The following NEIL3 variants were observed in gnomAD, a reference collection of about 807,000 sequenced individuals.
NEIL3 encodes endonuclease 8-like 3.
Under a neutral mutation model 57.5 loss-of-function variants are expected in NEIL3, and 48 were observed. The ratio of observed to expected loss-of-function variants is 0.83; its 90% CI spans 0.66 to 1.06. NEIL3 has a LOEUF of 1.06. Among genes scored for constraint, NEIL3 ranks in the 50% least tolerant of loss-of-function variants. NEIL3 has a pLI of 0.00. For synonymous variants in NEIL3, 261 were observed against 253.2 expected (o/e 1.03, Z -0.29); for missense variants, 717 against 739.1 (o/e 0.97, Z 0.35).
Position 177,341,542 on chromosome 4 carries a change from T to G in NEIL3, c.769T>G (p.Cys257Gly), listed in dbSNP as rs1276476506. 6.2e-7 allele frequency: 1 copy of G among 1,613,790 alleles called. No homozygotes were observed. The highest frequency in any genetic ancestry group is 1.7e-5 in the Admixed American group (1 of 60,002). Residue 257 changes from cysteine (C) to glycine (G), a missense_variant, in exon 6 of 10, where the codon TGC becomes GGC. Cys to Gly is a radical substitution (Grantham distance 159). Coordinates refer to ENST00000264596, the MANE Select transcript of NEIL3 (RefSeq NM_018248.3). ...TTACAAGCGTCCTAATTGTGGTCAG[T>G]GCCACTGCAGAATAACTGTGTGCCG... ...KVYKRPNCGQCHCRITVCRFG... is the reference protein window; with the variant it reads ...KVYKRPNCGQGHCRITVCRFG...
chr4:177,360,827 C>A (rs1735594106), intron 9 of NEIL3, 150 bp downstream of exon 9: 1 of 562,030 alleles, frequency 1.8e-6, no homozygotes, highest in Non-Finnish European at 2.9e-6. Context: ...TGAATGTTGA[C>A]TAACTTAAAA....
rs1734698848 is a variant in NEIL3, at chr4:177,322,245, T to A, written c.157-214T>A. On this transcript the variant is annotated intron_variant, in intron 1 of 9. Transcript: ENST00000264596. ...CTACCAATTACTTTTTTTCACTTAA[T>A]TTTTTTGGCCTCTCTCTCTTTAAAT... Among the ~76,000 whole-genome samples the A allele has an allele frequency of 2.0e-5, 3 of 152,200 alleles. 1 individual carries two copies. The South Asian group carries it at 6.2e-4, about 32-fold the overall frequency.
At chr4:177,324,690 T>G (rs1056179251) in intron 2 of NEIL3, among the ~76,000 whole-genome samples, 2 of 152,234 alleles carry the variant, frequency 1.3e-5, no homozygotes, top group South Asian at 4.1e-4. Flanking sequence ...AACACAAACG[T>G]CACTTGAAGT....
In NEIL3 at chr4:177,341,459, GTTT is replaced by G. The variant is rs35370036; in HGVS notation, c.703-5_703-3del. On this transcript the variant is annotated splice_polypyrimidine_tract_variant and intron_variant, in intron 5 of 9. Coordinates refer to ENST00000264596, the MANE Select transcript of NEIL3 (RefSeq NM_018248.3). ...GTTTTGTGGATAACAGAATTTTTTGGTTTTTTTTTTTTTTAGTGCCGTAAAGCA... is the reference window on the plus strand; with the variant it reads ...GTTTTGTGGATAACAGAATTTTTTGGTTTTTTTTTTTAGTGCCGTAAAGCA... 353 of 1,438,800 alleles carry G rather than the reference GTTT, an allele frequency of 2.5e-4. No individual in the cohort carries two copies. Among genetic ancestry groups the G allele is most frequent in the South Asian group, 7.4e-4 (55 of 74,322 alleles). The allele number at this position is 1,438,800 out of a possible 1,614,324, so 89.1% of individuals were successfully genotyped here.
In NEIL3 at chr4:177,362,583, A is replaced by T; in HGVS notation, c.*112A>T. Reference sequence around the variant, plus strand: ...CTATGATACATTGAAAAGTTACTGCAATATTTGAGAACTGTTCTTTTTTTT... The same window carrying T: ...CTATGATACATTGAAAAGTTACTGCTATATTTGAGAACTGTTCTTTTTTTT... On this transcript the variant is annotated 3_prime_UTR_variant, in exon 10 of 10. Transcript: ENST00000264596. 1.3e-6 allele frequency: 1 copy of T among 775,716 alleles called. No homozygotes were observed. Among genetic ancestry groups the T allele is most frequent in the Non-Finnish European group, 2.0e-6 (1 of 511,534 alleles). The allele number at this position is 775,716 out of a possible 1,614,324, so 48.1% of individuals were successfully genotyped here.
chr4:177,329,419 A>G (rs1388918011), intron 2 of NEIL3, among the ~76,000 whole-genome samples: 4 of 152,330 alleles, frequency 2.6e-5, no homozygotes, highest in African/African-American at 9.6e-5. Flanking sequence ...TACTATGGAA[A>G]CACTTATCAA....
intron 5 of NEIL3, among the ~76,000 whole-genome samples, 189 bp downstream of exon 5, chr4:177,340,046 C>T (rs970288799): frequency 2.0e-5 from 3 of 152,184 alleles, no homozygotes; most frequent in Non-Finnish European, 2.9e-5. Context: ...AGTTCAAACT[C>T]GTCTAACTAT....
At chr4:177,321,877 T>C (rs1162409738) in intron 1 of NEIL3, among the ~76,000 whole-genome samples, 1 of 152,190 alleles carries the variant, frequency 6.6e-6, no homozygotes, top group Non-Finnish European at 1.5e-5. Flanking sequence ...AAGCTCTCAT[T>C]CCTTAGTTTC....
At chr4:177,327,104 C>G (rs1220416140) in intron 2 of NEIL3, among the ~76,000 whole-genome samples, 2 of 152,118 alleles carry the variant, frequency 1.3e-5, no homozygotes, top group Non-Finnish European at 2.9e-5. Context: ...GCTCTTCCCC[C>G]TTCTCTTTCT....
chr4:177,322,297 A>G (rs567916182), intron 1 of NEIL3, among the ~76,000 whole-genome samples, 162 bp from the exon 2 acceptor site: 1 of 152,314 alleles, frequency 6.6e-6, no homozygotes, highest in African/African-American at 2.4e-5. Flanking sequence ...GACAAAATGT[A>G]TGTAAACAGC....
intron 6 of NEIL3, among the ~76,000 whole-genome samples, chr4:177,348,099 A>G (rs12501016): frequency 0.17 from 25,541 of 152,220 alleles, 2,773 homozygotes; most frequent in Admixed American, 0.28. Context: ...AGGAAACCCT[A>G]AGAGCAGTGC....
intron 1 of NEIL3, among the ~76,000 whole-genome samples, chr4:177,317,211 GTT>G (rs1328734185): frequency 1.3e-5 from 2 of 152,106 alleles, no homozygotes; most frequent in African/African-American, 4.8e-5. Context: ...TAATTTCAGA[GTT>G]TTCATTTTTT....
At chr4:177,358,793 C>G (rs1330163680) in intron 8 of NEIL3, among the ~76,000 whole-genome samples, 1 of 152,130 alleles carries the variant, frequency 6.6e-6, no homozygotes, top group East Asian at 1.9e-4. Flanking sequence ...CCCTGGAGCT[C>G]TCTAGGTTGA....
At chr4:177,359,820 A>G (rs1164229811) in intron 8 of NEIL3, among the ~76,000 whole-genome samples, 4 of 152,232 alleles carry the variant, frequency 2.6e-5, no homozygotes, top group African/African-American at 9.6e-5. Context: ...GCCAGCTTCT[A>G]GCCTGTGTAC....
Position 177,335,719 on chromosome 4 carries a change from A to G in NEIL3, c.310A>G (p.Ile104Val). 3.1e-6 allele frequency: 5 copies of G among 1,607,444 alleles called. No individual in the cohort carries two copies. The highest frequency in any genetic ancestry group is 4.2e-6 in the Non-Finnish European group (5 of 1,177,630). ...TTTCGGAATGAAAGGCTTCATCATGATTAATCCACTTGAGTATAAATATAA... is the reference window on the plus strand; with the variant it reads ...TTTCGGAATGAAAGGCTTCATCATGGTTAATCCACTTGAGTATAAATATAA... ...IHFGMKGFIMINPLEYKYKNG... is the reference protein window; with the variant it reads ...IHFGMKGFIMVNPLEYKYKNG... The change falls in exon 3 of 10, where the codon ATT becomes GTT. Residue 104 changes from isoleucine (I) to valine (V), a missense_variant. Physicochemically the swap from Ile to Val is conservative, Grantham distance 29. Transcript: ENST00000264596.
intron 5 of NEIL3, 84 bp from the exon 6 acceptor site, chr4:177,341,392 A>G: frequency 9.2e-7 from 1 of 1,088,284 alleles, no homozygotes; most frequent in Non-Finnish European, 1.3e-6. Context: ...TGATTTTCAG[A>G]GGTGACTTTC....
chr4:177,354,657 T>C (rs1735436608), intron 8 of NEIL3, among the ~76,000 whole-genome samples: 1 of 152,156 alleles, frequency 6.6e-6, no homozygotes, highest in Non-Finnish European at 1.5e-5. Context: ...TTTTTTTGTA[T>C]TTTTAGTAGA....
chr4:177,311,365 C>T lies in NEIL3; in HGVS notation c.156+1256C>T, dbSNP rs559246950. Among the ~76,000 whole-genome samples the T allele has an allele frequency of 3.3e-5, 5 of 152,130 alleles. No individual in the cohort carries two copies. In the South Asian group the frequency reaches 1.0e-3, roughly 32 times the overall value. ...CTTGTAGGAAGACCTGGGAAGGCTT[C>T]CCCAGGGAAGTAGCAAAGCTGAGGT... On this transcript the variant is annotated intron_variant, in intron 1 of 9. Transcript: ENST00000264596.
chr4:177,357,651 A>G (rs1309327927), intron 8 of NEIL3, among the ~76,000 whole-genome samples: 3 of 152,180 alleles, frequency 2.0e-5, no homozygotes, highest in Non-Finnish European at 4.4e-5. Flanking sequence ...CTTGATTCTA[A>G]TGACATGTAC....
Sources: allele counts gnomAD v4.1 joint callset (sites outside exome capture counted in the v4.1 genomes callset), GRCh38; gene constraint gnomAD v4.1.1; transcripts MANE v1.5; gene names NCBI Gene and HGNC (gene_info 2026-07-23, HGNC 2026-07-21).